NFIC: variants seen among roughly 807,000 people sequenced by gnomAD.
NFIC encodes the protein nuclear factor I C.
A neutral mutation model predicts 54.4 loss-of-function variants in NFIC; 12 were observed. The observed-to-expected ratio is 0.22, with a 90% CI of 0.14 to 0.36. The LOEUF (loss-of-function observed/expected upper bound fraction) is 0.36, where lower values mean the gene tolerates loss of function less well. NFIC is among the 10% of genes least tolerant of loss of function. The pLI is 1.00. For synonymous variants in NFIC, 322 were observed against 319.2 expected (o/e 1.01, Z -0.09); for missense variants, 575 against 718.2 (o/e 0.80, Z 2.28).
chr19:3,367,590 C>T (rs1159172347), intron 1 of NFIC, among the ~76,000 whole-genome samples: 10 of 152,348 alleles, frequency 6.6e-5, no homozygotes, highest in African/African-American at 1.7e-4. Flanking sequence ...GGGCGGCTCC[C>T]CCCGGGGACT....
upstream of NFIC, among the ~76,000 whole-genome samples, chr19:3,362,640 T>A (rs2080825257): frequency 6.6e-6 from 1 of 152,070 alleles, no homozygotes; most frequent in African/African-American, 2.4e-5. Flanking sequence ...GGTGTGTGTG[T>A]CTATCTGTAC....
chr19:3,417,454 T>A (rs2081879420), intron 2 of NFIC, among the ~76,000 whole-genome samples: 1 of 151,998 alleles, frequency 6.6e-6, no homozygotes. Context: ...ACTCAGCAGA[T>A]GGAAGCTGCC....
At chr19:3,451,588 G>T (rs1381694481) in intron 7 of NFIC, among the ~76,000 whole-genome samples, 9 of 150,046 alleles carry the variant, frequency 6.0e-5, no homozygotes, top group African/African-American at 2.5e-5. Flanking sequence ...CCATGATCAT[G>T]CCCCTGCACT....
intron 3 of NFIC, among the ~76,000 whole-genome samples, chr19:3,431,496 G>A (rs900606281): frequency 2.0e-5 from 3 of 149,532 alleles, no homozygotes; most frequent in Non-Finnish European, 3.0e-5. Context: ...GGCCTCCCAA[G>A]TAGCTGGGAC....
At chr19:3,372,311 G>A (rs1485709189) in intron 1 of NFIC, among the ~76,000 whole-genome samples, 4 of 152,046 alleles carry the variant, frequency 2.6e-5, no homozygotes, top group Admixed American at 1.3e-4. Flanking sequence ...ATGAGCCACC[G>A]TGCCCGGCCT....
intron 2 of NFIC, among the ~76,000 whole-genome samples, chr19:3,414,913 C>G (rs1055464129): frequency 5.3e-5 from 8 of 152,038 alleles, no homozygotes; most frequent in Non-Finnish European, 1.0e-4. Context: ...GATCTCGGCT[C>G]ACTGTAACCT....
At chr19:3,440,931 T>G (rs1010502864) in intron 6 of NFIC, among the ~76,000 whole-genome samples, 3 of 152,180 alleles carry the variant, frequency 2.0e-5, no homozygotes, top group African/African-American at 7.2e-5. Context: ...TCCTCCTTCC[T>G]CAGCCTCCCA....
At chr19:3,405,705 T>C (rs1489316637) in intron 2 of NFIC, among the ~76,000 whole-genome samples, 3 of 151,878 alleles carry the variant, frequency 2.0e-5, no homozygotes, top group Non-Finnish European at 4.4e-5. Context: ...GTTCAAGCGA[T>C]TCTCCTGTCT....
intron 2 of NFIC, among the ~76,000 whole-genome samples, chr19:3,394,531 C>CCCCCCT (rs1192097514): frequency 5.1e-4 from 25 of 48,960 alleles, no homozygotes; most frequent in Admixed American, 5.0e-3. Context: ...CCACCCCCCA[C>CCCCCCT]CCGCTTACAC....
In NFIC at chr19:3,462,877, C is replaced by T. The variant is rs574737179; in HGVS notation, c.*108C>T. 3.8e-6 allele frequency: 6 copies of T among 1,597,904 alleles called. No homozygotes were observed. In the African/African-American group the frequency reaches 5.4e-5, roughly 14 times the overall value. ...GGTGGAAAATTAGAGTGAACAAGAA[C>T]ACCCCTGCCGACTCCCAGCCCGGCC... On this transcript the variant is annotated 3_prime_UTR_variant, in exon 11 of 11. Transcript: ENST00000443272.
intron 6 of NFIC, among the ~76,000 whole-genome samples, 191 bp downstream of exon 6, chr19:3,435,398 T>C (rs992092263): frequency 2.6e-5 from 4 of 152,170 alleles, no homozygotes; most frequent in Admixed American, 2.6e-4. Context: ...CGTTCTCGGA[T>C]CTCTTTGGTT....
At chr19:3,414,845 T>A (rs2081826688) in intron 2 of NFIC, among the ~76,000 whole-genome samples, 1 of 151,928 alleles carries the variant, frequency 6.6e-6, no homozygotes, top group African/African-American at 2.4e-5. Flanking sequence ...GTTTTTTTGT[T>A]TTTGTGTTTT....
chr19:3,452,648 C>A lies in NFIC; in HGVS notation c.1251C>A (p.Ala417=). 6.2e-7 allele frequency: 1 copy of A among 1,609,036 alleles called. No individual in the cohort carries two copies. The change falls in exon 8 of 11, where the codon GCC becomes GCA. Residue 417 remains alanine (A), a synonymous_variant. Transcript: ENST00000443272. The surrounding 1 kb of genome is among the most constrained non-coding windows in gnomAD (Gnocchi z 5.3). ...KDLVSLACDP[A]SQQPGPLNGS... is the part of the protein sequence containing the mutation. ...TTGTCTCGCTGGCCTGCGACCCAGC[C>A]AGCCAGCAACCTGGACCGGTGAGTT...
chr19:3,434,941 C>A, intron 5 of NFIC, 142 bp from the exon 6 acceptor site: 1 of 1,174,540 alleles, frequency 8.5e-7, no homozygotes, highest in Non-Finnish European at 1.2e-6. Context: ...ACGGGCTGAA[C>A]GCCCGCGGCT....
At chr19:3,425,765 G>T (rs1165636322) in intron 3 of NFIC, among the ~76,000 whole-genome samples, 6 of 145,094 alleles carry the variant, frequency 4.1e-5, no homozygotes, top group Non-Finnish European at 6.1e-5. Context: ...CGGCCTGTTT[G>T]TTTGTCTTAG....
chr19:3,452,630 G>A lies in NFIC; in HGVS notation c.1233G>A (p.Ser411=), dbSNP rs758520993. 13 of 1,611,794 alleles carry A rather than the reference G, an allele frequency of 8.1e-6. No homozygotes were observed. The highest frequency in any genetic ancestry group is 1.7e-5 in the Admixed American group (1 of 59,868). The change falls in exon 8 of 11, where the codon TCG becomes TCA. Residue 411 remains serine (S), a synonymous_variant. Coordinates refer to ENST00000443272, the MANE Select transcript of NFIC (RefSeq NM_001245002.2). This position sits in a 1 kb window ranked among gnomAD's most constrained non-coding sequence, Gnocchi z 5.3. Reference sequence around the variant, plus strand: ...AGGACCCGCTCAAAGATCTTGTCTCGCTGGCCTGCGACCCAGCCAGCCAGC... The same window carrying A: ...AGGACCCGCTCAAAGATCTTGTCTCACTGGCCTGCGACCCAGCCAGCCAGC... ...NPQDPLKDLV[S]LACDPASQQP...
At chr19:3,415,310 G>A (rs1316453914) in intron 2 of NFIC, among the ~76,000 whole-genome samples, 1 of 151,262 alleles carries the variant, frequency 6.6e-6, no homozygotes, top group Non-Finnish European at 1.5e-5. Context: ...TAGTAGAGAT[G>A]GGGTTTCACC....
At position 3,462,913 on chromosome 19, in the gene NFIC, AAC is replaced by A; in HGVS notation, c.*148_*149del. 1 of 1,546,920 alleles carries A rather than the reference AAC, an allele frequency of 6.5e-7. No individual in the cohort carries two copies. Among genetic ancestry groups the A allele is most frequent in the Non-Finnish European group, 8.7e-7 (1 of 1,154,590 alleles). ...ACTCCCAGCCCGGCCAAAAAGACAA[AAC>A]ACATAGACGCACACACTCAGGAGGA... On this transcript the variant is annotated 3_prime_UTR_variant, in exon 11 of 11. Coordinates refer to ENST00000443272, the MANE Select transcript of NFIC (RefSeq NM_001245002.2).
intron 5 of NFIC, 120 bp downstream of exon 5, chr19:3,434,520 T>C (rs1472198278): frequency 2.9e-6 from 4 of 1,392,122 alleles, no homozygotes; most frequent in Admixed American, 5.0e-5. Context: ...TCACCTGGCC[T>C]GAGAAACTCC....
Sources: gnomAD v4.1 joint callset for allele counts (sites outside exome capture counted in the v4.1 genomes callset) on GRCh38, gnomAD v4.1.1 for gene constraint, Gnocchi (gnomAD v3.1) non-coding constraint, MANE v1.5 for transcripts, NCBI Gene and HGNC (gene_info 2026-07-23, HGNC 2026-07-21) for gene names.